MCTP1: variants seen among roughly 807,000 people sequenced by gnomAD.
MCTP1 encodes the protein multiple C2 and transmembrane domain containing 1, also known as multiple C2 and transmembrane domain-containing protein 1.
In MCTP1, 69 loss-of-function variants were observed where a neutral mutation model predicts 120.6. That is an observed-to-expected ratio of 0.57 (90% CI 0.47 to 0.70). The LOEUF is 0.70. Among genes scored for constraint, MCTP1 ranks in the 30% least tolerant of loss-of-function variants. The pLI, the probability that MCTP1 is intolerant of heterozygous loss-of-function variation, is 0.00. For synonymous variants in MCTP1, 529 were observed against 493.1 expected, an observed-to-expected ratio of 1.07 and a Z score of -0.96; for missense variants, 1,203 against 1,248.8, an observed-to-expected ratio of 0.96 and a Z score of 0.55.
Position 94,707,442 on chromosome 5 carries a change from C to G in MCTP1, c.*54G>C. 7.3e-7 allele frequency: 1 copy of G among 1,374,264 alleles called. No homozygotes were observed. The highest frequency in any genetic ancestry group is 1.2e-5 in the South Asian group (1 of 81,412). The allele number at this position is 1,374,264 out of a possible 1,614,324, so 85.1% of individuals were successfully genotyped here. On this transcript the variant is annotated 3_prime_UTR_variant, in exon 23 of 23. Transcript: ENST00000515393. Reference sequence around the variant, plus strand: ...AAGGAAATGCTGCTGAGGCTGAGGGCTTTTTCTTTTATCTTCCCAAACAGA... The same window carrying G: ...AAGGAAATGCTGCTGAGGCTGAGGGGTTTTTCTTTTATCTTCCCAAACAGA...
chr5:94,726,786 T>G (rs1762215384), intron 19 of MCTP1, among the ~76,000 whole-genome samples: 1 of 152,174 alleles, frequency 6.6e-6, no homozygotes, highest in South Asian at 2.1e-4. Flanking sequence ...ATAACCCATG[T>G]CTCATGGTTG....
chr5:95,120,526 C>G (rs1450430823), intron 1 of MCTP1, among the ~76,000 whole-genome samples: 2 of 152,128 alleles, frequency 1.3e-5, no homozygotes, highest in Admixed American at 6.5e-5. Context: ...AAGGATGGTA[C>G]CACATATGCA....
In MCTP1 at chr5:95,013,442, C is replaced by T. The variant is rs539128646; in HGVS notation, c.838+3925G>A. 9.9e-5 allele frequency among the ~76,000 whole-genome samples: 15 copies of T among 152,198 alleles called. No homozygotes were observed. In the South Asian group the frequency reaches 1.9e-3, roughly 19 times the overall value. ...CATAGCTAAAGAGGAGAAGTCAATG[C>T]GTGGCTTCAAAGCTTCAAAGAACAA... On this transcript the variant is annotated intron_variant, in intron 2 of 22. Coordinates refer to ENST00000515393, the MANE Select transcript of MCTP1 (RefSeq NM_024717.7).
At chr5:94,788,520 CA>C (rs1180464192) in intron 18 of MCTP1, among the ~76,000 whole-genome samples, 1 of 152,122 alleles carries the variant, frequency 6.6e-6, no homozygotes, top group Non-Finnish European at 1.5e-5. Flanking sequence ...CTTTCTGAAC[CA>C]AGGACAATAA....
chr5:94,882,331 A>G (rs1018811744), intron 12 of MCTP1, among the ~76,000 whole-genome samples: 2 of 152,062 alleles, frequency 1.3e-5, no homozygotes, highest in Non-Finnish European at 2.9e-5. Context: ...AGTGACATCA[A>G]TCCTTTAATA....
chr5:94,840,549 C>T (rs1790793237), intron 17 of MCTP1, among the ~76,000 whole-genome samples: 1 of 152,176 alleles, frequency 6.6e-6, no homozygotes, highest in East Asian at 1.9e-4. Context: ...TCAAGGTTCT[C>T]ACCCTTTTCA....
At chr5:94,910,927 G>C (rs1808395942) in intron 9 of MCTP1, among the ~76,000 whole-genome samples, 1 of 152,042 alleles carries the variant, frequency 6.6e-6, no homozygotes, top group Non-Finnish European at 1.5e-5. Flanking sequence ...TTGGGGTGTG[G>C]TCTGTCTTTA....
At chr5:95,203,679 G>A (rs1267110821) in intron 1 of MCTP1, among the ~76,000 whole-genome samples, 2 of 152,170 alleles carry the variant, frequency 1.3e-5, no homozygotes, top group Non-Finnish European at 2.9e-5. Context: ...GTGAAAGAAA[G>A]CCAGTAAAAC....
chr5:94,940,586 G>A (rs537940807), intron 4 of MCTP1, among the ~76,000 whole-genome samples: 8 of 113,310 alleles, frequency 7.1e-5, no homozygotes, highest in Non-Finnish European at 1.1e-4. Flanking sequence ...ACATATATAT[G>A]TATATATATA....
intron 2 of MCTP1, among the ~76,000 whole-genome samples, chr5:95,004,909 G>C (rs1834397335): frequency 6.6e-6 from 1 of 152,144 alleles, no homozygotes; most frequent in African/African-American, 2.4e-5. Flanking sequence ...GTGAGGAGAG[G>C]GCAACCAGAC....
At chr5:95,245,623 GAAAA>G (rs58685073) in intron 1 of MCTP1, among the ~76,000 whole-genome samples, 1 of 141,812 alleles carries the variant, frequency 7.1e-6, no homozygotes, top group Non-Finnish European at 1.5e-5. Flanking sequence ...GACAAGATTA[GAAAA>G]AAAAAAAGAG....
chr5:94,904,508 C>G (rs1020433974), intron 10 of MCTP1, among the ~76,000 whole-genome samples: 2 of 152,146 alleles, frequency 1.3e-5, no homozygotes, highest in African/African-American at 2.4e-5. Context: ...CCGTAGATAT[C>G]ATGATGATGA....
Position 95,283,404 on chromosome 5 carries a change from G to A in MCTP1, c.720+452C>T, listed in dbSNP as rs1015453377. Among the ~76,000 whole-genome samples the A allele has an allele frequency of 7.2e-5, 11 of 152,310 alleles. No individual in the cohort carries two copies. The South Asian group carries it at 8.3e-4, about 11-fold the overall frequency. On this transcript the variant is annotated intron_variant, in intron 1 of 22. Coordinates refer to ENST00000515393, the MANE Select transcript of MCTP1 (RefSeq NM_024717.7). ...CTTTCCCTGGCACAGGACCTCACAT[G>A]TGCCATAATTTACCTCTCCACGTTT...
intron 1 of MCTP1, among the ~76,000 whole-genome samples, chr5:95,247,136 C>T (rs565755102): frequency 1.2e-4 from 18 of 151,988 alleles, no homozygotes; most frequent in East Asian, 7.7e-4. Flanking sequence ...TTATGTGTCC[C>T]GGAATTTATT....
chr5:94,866,361 T>C (rs1211776988), intron 17 of MCTP1, among the ~76,000 whole-genome samples: 2 of 151,846 alleles, frequency 1.3e-5, no homozygotes, highest in East Asian at 3.9e-4. Flanking sequence ...GATTTTGTTA[T>C]TAGTTGTTTT....
At chr5:95,096,449 G>A (rs1376376339) in intron 1 of MCTP1, among the ~76,000 whole-genome samples, 2 of 152,110 alleles carry the variant, frequency 1.3e-5, no homozygotes, top group Non-Finnish European at 2.9e-5. Context: ...AGTCTCTAAG[G>A]AAGAGTGATT....
chr5:95,118,160 A>AT (rs796148576), intron 1 of MCTP1, among the ~76,000 whole-genome samples: 137 of 152,334 alleles, frequency 9.0e-4, no homozygotes, highest in Middle Eastern at 3.4e-3. Flanking sequence ...CATCCTGCAC[A>AT]ATTTACCTAT....
chr5:95,180,182 A>G (rs1203915297), intron 1 of MCTP1, among the ~76,000 whole-genome samples: 2 of 152,178 alleles, frequency 1.3e-5, no homozygotes, highest in African/African-American at 4.8e-5. Context: ...ATGAAACAGA[A>G]GGCAACACAA....
rs929115420 is a variant in MCTP1, at chr5:95,274,683, G to A, written c.720+9173C>T. Among the ~76,000 whole-genome samples the A allele has an allele frequency of 2.0e-5, 3 of 151,916 alleles. No individual in the cohort carries two copies. In the East Asian group the frequency reaches 5.8e-4, roughly 29 times the overall value. ...CTGTCGCCCAGGCTGGAGTGCAGGG[G>A]TGTGATCTTGGCTCACTGCAAACTC... On this transcript the variant is annotated intron_variant, in intron 1 of 22. Transcript: ENST00000515393.
Sources: gnomAD v4.1 joint callset for allele counts (sites outside exome capture counted in the v4.1 genomes callset) on GRCh38, gnomAD v4.1.1 for gene constraint, MANE v1.5 for transcripts, NCBI Gene and HGNC (gene_info 2026-07-23, HGNC 2026-07-21) for gene names.